The following UGT1A7 variants were observed in gnomAD, a reference collection of about 807,000 sequenced individuals.
The protein encoded by UGT1A7 is UDP-glucuronosyltransferase 1A7.
In UGT1A7, 33 loss-of-function variants were observed where a neutral mutation model predicts 45.6. The observed-to-expected ratio is 0.72, with a 90% CI of 0.55 to 0.97. The LOEUF (loss-of-function observed/expected upper bound fraction) is 0.97. UGT1A7 is among the 50% of genes least tolerant of loss of function. The probability of loss-of-function intolerance (pLI) is 0.00; values close to 1 mark genes in which losing one functional copy is unlikely to be tolerated. For missense variants in UGT1A7, 684 were observed against 666.2 expected (o/e 1.03, Z -0.29); for synonymous variants, 274 against 250.6 (o/e 1.09, Z -0.88).
At chr2:233,707,718 C>T (rs1485982903) in intron 1 of UGT1A7, among the ~76,000 whole-genome samples, 11 of 152,140 alleles carry the variant, frequency 7.2e-5, no homozygotes, top group Admixed American at 7.2e-4. Context: ...CTACTGTGAA[C>T]AATGTTACAA....
chr2:233,755,133 A>G, intron 1 of UGT1A7: 1 of 1,319,072 alleles, frequency 7.6e-7, no homozygotes, highest in Non-Finnish European at 1.0e-6. Context: ...CACCTGCTTG[A>G]ATCTTCTCAC....
At chr2:233,721,854 C>G in intron 1 of UGT1A7, 1 of 513,502 alleles carries the variant, frequency 1.9e-6, no homozygotes, top group Non-Finnish European at 3.9e-6. Context: ...AGCCCCACTG[C>G]TCGGCCCTGG....
At chr2:233,693,048 T>C in intron 1 of UGT1A7, 1 of 1,614,120 alleles carries the variant, frequency 6.2e-7, no homozygotes, top group Non-Finnish European at 8.5e-7. Context: ...TCTGCAGGGG[T>C]TTTCTTCTTA....
At chr2:233,683,556 C>T (rs531959268) in intron 1 of UGT1A7, among the ~76,000 whole-genome samples, 121 of 152,220 alleles carry the variant, frequency 7.9e-4, no homozygotes, top group Admixed American at 2.9e-3. Flanking sequence ...GATTGGCCTT[C>T]TTTTGCTATT....
chr2:233,743,824 G>T, intron 1 of UGT1A7: 1 of 1,367,262 alleles, frequency 7.3e-7, no homozygotes, highest in Non-Finnish European at 9.8e-7. Flanking sequence ...TTTTGTCGGG[G>T]TGCCACTTGA....
In UGT1A7 at chr2:233,760,763, T is replaced by C. The variant is rs587784539; in HGVS notation, c.856-6271T>C. 4.6e-5 allele frequency: 74 copies of C among 1,613,968 alleles called. 1 individual carries two copies. In the South Asian group the frequency reaches 7.5e-4, roughly 16 times the overall value. ...GACCCTTTCCTTCCTTGCAGCCCCA[T>C]CGTGGCCCAGTACCTGTCTCTGCCC... On this transcript the variant is annotated intron_variant, in intron 1 of 4. Transcript: ENST00000373426.
At chr2:233,710,698 G>A (rs1267574766) in intron 1 of UGT1A7, among the ~76,000 whole-genome samples, 1 of 152,116 alleles carries the variant, frequency 6.6e-6, no homozygotes, top group Non-Finnish European at 1.5e-5. Flanking sequence ...TCTGGTGTGT[G>A]GTGTCCTTTG....
At chr2:233,766,404 G>T (rs990056235) in intron 1 of UGT1A7, among the ~76,000 whole-genome samples, 1 of 152,164 alleles carries the variant, frequency 6.6e-6, no homozygotes. Flanking sequence ...GCGTCCCTCC[G>T]CTGATGTGCT....
At chr2:233,693,978 G>C (rs1189326021) in intron 1 of UGT1A7, 3 of 1,557,938 alleles carry the variant, frequency 1.9e-6, no homozygotes, top group Admixed American at 1.9e-5. Flanking sequence ...GAGAAACGGT[G>C]GGGGGAAGTG....
rs771993243 is a variant in UGT1A7, at chr2:233,755,018, C to T, written c.856-12016C>T. On this transcript the variant is annotated intron_variant, in intron 1 of 4. Transcript: ENST00000373426. ...AGCTGAAGACCTACTCGAAGGGGTC[C>T]TTGAAGGGCCTGCCGCCTGCGCAGC... 3.8e-6 allele frequency: 5 copies of T among 1,302,150 alleles called. No homozygotes were observed. The South Asian group carries it at 4.6e-5, about 12-fold the overall frequency. The allele number at this position is 1,302,150 out of a possible 1,614,324, so 80.7% of individuals were successfully genotyped here.
At chr2:233,746,978 G>A (rs1312298937) in intron 1 of UGT1A7, among the ~76,000 whole-genome samples, 2 of 151,796 alleles carry the variant, frequency 1.3e-5, no homozygotes, top group Non-Finnish European at 2.9e-5. Flanking sequence ...CCCAGAGCGA[G>A]CGCAGGGTCA....
intron 1 of UGT1A7, among the ~76,000 whole-genome samples, chr2:233,689,411 C>T (rs1415837333): frequency 6.6e-6 from 1 of 152,188 alleles, no homozygotes; most frequent in Admixed American, 6.5e-5. Flanking sequence ...GACCCAATCT[C>T]TCTAATGGCT....
At chr2:233,728,644 GT>G (rs1404830027) in intron 1 of UGT1A7, among the ~76,000 whole-genome samples, 1 of 152,172 alleles carries the variant, frequency 6.6e-6, no homozygotes, top group African/African-American at 2.4e-5. Context: ...ATGTTGTATG[GT>G]TTTTGGATGC....
chr2:233,745,697 C>A (rs1481234082), intron 1 of UGT1A7, among the ~76,000 whole-genome samples: 2 of 147,560 alleles, frequency 1.4e-5, no homozygotes, highest in African/African-American at 5.1e-5. Flanking sequence ...GTTTGGAGAA[C>A]AACAAGTGAT....
At chr2:233,734,492 T>A (rs983580734) in intron 1 of UGT1A7, among the ~76,000 whole-genome samples, 3 of 151,188 alleles carry the variant, frequency 2.0e-5, no homozygotes, top group Non-Finnish European at 4.5e-5. Flanking sequence ...TTTTTGAAGG[T>A]TTTTTTGTGT....
In UGT1A7 at chr2:233,711,078, C is replaced by T. The variant is rs76665810; in HGVS notation, c.855+28286C>T. Among the ~76,000 whole-genome samples the T allele has an allele frequency of 9.6e-3, 1,463 of 152,316 alleles. 33 individuals are homozygous for T. Among genetic ancestry groups the T allele is most frequent in the African/African-American group, 0.033 (1,369 of 41,568 alleles). ...CTTCAATCACCACTTATGCTGATGG[C>T]TCCAAGTCTATCTGTGCAGCCCAGA... On this transcript the variant is annotated intron_variant, in intron 1 of 4. Transcript: ENST00000373426.
At chr2:233,755,830 A>G (rs534552982) in intron 1 of UGT1A7, 2 of 152,366 alleles carry the variant, frequency 1.3e-5, no homozygotes, top group South Asian at 4.1e-4. Context: ...AGACATATTC[A>G]TTGGGCAATT....
chr2:233,717,406 G>A (rs1313287999), intron 1 of UGT1A7, among the ~76,000 whole-genome samples: 2 of 152,170 alleles, frequency 1.3e-5, no homozygotes, highest in African/African-American at 4.8e-5. Flanking sequence ...TCCTGCATAT[G>A]CCTCCCTTGA....
chr2:233,689,913 C>A (rs1222600781), intron 1 of UGT1A7: 1 of 456,674 alleles, frequency 2.2e-6, no homozygotes, highest in Admixed American at 2.3e-5. Context: ...AGGTAGGTGC[C>A]TGGAATTTCC....
Sources: allele counts gnomAD v4.1 joint callset (sites outside exome capture counted in the v4.1 genomes callset), GRCh38; gene constraint gnomAD v4.1.1; transcripts MANE v1.5; gene names NCBI Gene and HGNC (gene_info 2026-07-23, HGNC 2026-07-21).